The following PEX1 variants were observed in gnomAD, a reference collection of about 807,000 sequenced individuals.
PEX1 encodes peroxisomal ATPase PEX1.
A neutral mutation model predicts 152.5 loss-of-function variants in PEX1; 97 were observed. The ratio of observed to expected loss-of-function variants is 0.64; its 90% CI spans 0.54 to 0.75. The LOEUF is 0.75. PEX1 is among the 30% of genes least tolerant of loss of function. PEX1 has a pLI of 0.00. For synonymous variants in PEX1, 485 were observed against 531.6 expected, an observed-to-expected ratio of 0.91 and a Z score of 1.21; for missense variants, 1,357 against 1,516.3, an observed-to-expected ratio of 0.89 and a Z score of 1.74.
At chr7:92,499,933 A>G in intron 15 of PEX1, 95 bp from the exon 16 acceptor site, 4 of 956,044 alleles carry the variant, frequency 4.2e-6, no homozygotes, top group African/African-American at 1.7e-5. Context: ...AAAAAAATTC[A>G]GATGGTAATC....
rs1044437246 is a variant in PEX1 at position 92,511,711 on chromosome 7, A to G, written c.1360-8T>C. 6.2e-7 allele frequency: 1 copy of G among 1,608,346 alleles called. No homozygotes were observed. Among genetic ancestry groups the G allele is most frequent in the Non-Finnish European group, 8.5e-7 (1 of 1,176,932 alleles). ...TTCACTTATGTCTTTAGGCTGCCAG[A>G]AAAAGGAATAGTAATGAATTATCCT... On this transcript the variant is annotated splice_region_variant and splice_polypyrimidine_tract_variant and intron_variant, in intron 6 of 23. Coordinates refer to ENST00000248633, the MANE Select transcript of PEX1 (RefSeq NM_000466.3).
At chr7:92,516,072 A>C (rs1422820256) in intron 5 of PEX1, among the ~76,000 whole-genome samples, 1 of 146,278 alleles carries the variant, frequency 6.8e-6, no homozygotes, top group African/African-American at 2.5e-5. Context: ...AAAGAAAAGA[A>C]AAGAAAAGAA....
intron 11 of PEX1, 25 bp downstream of exon 11, chr7:92,506,221 TTA>T (rs1273856339): frequency 8.4e-7 from 1 of 1,193,186 alleles, no homozygotes; most frequent in Non-Finnish European, 1.3e-6. Context: ...AAAAAGGGAT[TTA>T]TATAGAGTGT....
At position 92,501,622 on chromosome 7, in the gene PEX1, G is replaced by A. The variant is rs2116145764; in HGVS notation, c.2468C>T (p.Pro823Leu). Residue 823 changes from proline (P) to leucine (L), a missense_variant, in exon 15 of 24, where the codon CCT becomes CTT. Pro to Leu is a moderately conservative substitution (Grantham distance 98). Coordinates refer to ENST00000248633, the MANE Select transcript of PEX1 (RefSeq NM_000466.3). ...DFQKALRGFL[P>L]ASLRSVNLHK... The stretch of plus-strand genomic sequence containing the variant: ...CAGGTTGACACTTCGCAAAGACGCA[G>A]GAAGAAATCCGCGGAGAGCCTTTTG... 6.2e-7 allele frequency: 1 copy of A among 1,613,908 alleles called. No individual in the cohort carries two copies. The highest frequency in any genetic ancestry group is 8.5e-7 in the Non-Finnish European group (1 of 1,179,852).
chr7:92,522,047 C>A, intron 2 of PEX1, 55 bp downstream of exon 2: 1 of 1,553,792 alleles, frequency 6.4e-7, no homozygotes. Flanking sequence ...AATTTTATTT[C>A]TATTGCTATA....
intron 19 of PEX1, chr7:92,494,023 T>C (rs1489598391): frequency 2.6e-6 from 1 of 391,250 alleles, no homozygotes; most frequent in African/African-American, 2.0e-5. Flanking sequence ...GAAGATAATG[T>C]GAAAATATAA....
chr7:92,503,304 G>A (rs1448178769), intron 12 of PEX1, 109 bp from the exon 13 acceptor site: 2 of 869,592 alleles, frequency 2.3e-6, no homozygotes, highest in Non-Finnish European at 3.7e-6. Flanking sequence ...TTAAGGTGCA[G>A]TATGTATGGT....
intron 17 of PEX1, among the ~76,000 whole-genome samples, chr7:92,495,059 C>A (rs1791583934): frequency 6.6e-6 from 1 of 151,940 alleles, no homozygotes. Context: ...GCCACCCTTC[C>A]TTCTTTTGTG....
intron 20 of PEX1, 47 bp downstream of exon 20, chr7:92,492,906 C>T (rs1562845955): frequency 7.0e-7 from 1 of 1,426,796 alleles, no homozygotes; most frequent in Non-Finnish European, 9.9e-7. Context: ...CATTGTACTT[C>T]TTTTATCACT....
At chr7:92,487,643 G>A (rs772823690) in intron 23 of PEX1, 102 bp from the exon 24 acceptor site, 15 of 515,992 alleles carry the variant, frequency 2.9e-5, no homozygotes, top group Admixed American at 2.7e-4. Context: ...AGAAATGAAC[G>A]GGAAATAACA....
At chr7:92,496,834 GT>G (rs1791676419) in intron 16 of PEX1, 57 bp from the exon 17 acceptor site, 1 of 1,119,660 alleles carries the variant, frequency 8.9e-7, no homozygotes, top group Admixed American at 1.7e-5. Context: ...TATAAATTTG[GT>G]TTCTGACTAA....
Position 92,489,421 on chromosome 7 carries a change from C to A in PEX1, c.3639G>T (p.Glu1213Asp), listed in dbSNP as rs756953510. 6.2e-7 allele frequency: 1 copy of A among 1,612,492 alleles called. No homozygotes were observed. The highest frequency in any genetic ancestry group is 2.2e-5 in the East Asian group (1 of 44,820). Residue 1213 changes from glutamate (E) to aspartate (D), a missense_variant and splice_region_variant, in exon 23 of 24, where the codon GAG becomes GAT. Glu to Asp is a conservative substitution (Grantham distance 45). Coordinates refer to ENST00000248633, the MANE Select transcript of PEX1 (RefSeq NM_000466.3). ...GTCCTGGTTGGTTCATGGATTCGTC[C>A]TCCTTAAGTAAAAAAAGAAATTGAC... ...IKGRYRSQSG[E>D]DESMNQPGPI...
intron 1 of PEX1, among the ~76,000 whole-genome samples, chr7:92,525,526 G>A (rs571035043): frequency 5.8e-4 from 88 of 152,322 alleles, no homozygotes; most frequent in African/African-American, 2.0e-3. Context: ...CTCAACCAGA[G>A]GTGATTTTGT....
intron 1 of PEX1, among the ~76,000 whole-genome samples, chr7:92,524,037 A>G (rs1793160483): frequency 1.3e-5 from 2 of 152,174 alleles, no homozygotes; most frequent in Non-Finnish European, 2.9e-5. Flanking sequence ...ACATCTCTAC[A>G]GAACAGTTTT....
At chr7:92,489,215 C>T (rs571336413) in intron 23 of PEX1, 78 bp downstream of exon 23, 18 of 1,256,956 alleles carry the variant, frequency 1.4e-5, no homozygotes, top group African/African-American at 1.0e-4. Context: ...ATTTTAAACA[C>T]GAACTTTAAA....
At chr7:92,505,291 T>C (rs189379103) in intron 11 of PEX1, among the ~76,000 whole-genome samples, 20 of 151,722 alleles carry the variant, frequency 1.3e-4, no homozygotes, top group South Asian at 2.1e-4. Flanking sequence ...CATGCACCTG[T>C]AGTCCCAATT....
rs770393371 is a variant in PEX1, at chr7:92,499,709, C to T, written c.2713G>A (p.Val905Ile). 1 of 1,611,688 alleles carries T rather than the reference C, an allele frequency of 6.2e-7. No individual in the cohort carries two copies. The highest frequency in any genetic ancestry group is 8.5e-7 in the Non-Finnish European group (1 of 1,177,900). Reference sequence around the variant, plus strand: ...AAGATAAGTAGACAACATACCTTGACACTTATAAAATTCATTCTACTCTCT... The same window carrying T: ...AAGATAAGTAGACAACATACCTTGATACTTATAAAATTCATTCTACTCTCT... ...ARESRMNFISVKGPELLSKYI... is the reference protein window; with the variant it reads ...ARESRMNFISIKGPELLSKYI... Residue 905 changes from valine to isoleucine, a missense_variant, in exon 16 of 24, where the codon GTC (valine) becomes ATC (isoleucine). By Grantham distance (29) the Val-to-Ile change is conservative (BLOSUM62 3). Coordinates refer to ENST00000248633, the MANE Select transcript of PEX1 (RefSeq NM_000466.3).
At chr7:92,507,210 C>T in intron 9 of PEX1, 84 bp from the exon 10 acceptor site, 1 of 1,137,118 alleles carries the variant, frequency 8.8e-7, no homozygotes, top group Non-Finnish European at 1.3e-6. Context: ...TTTTGCCTTC[C>T]CAGTGTAGTT....
At chr7:92,519,664 C>T (rs1792967616) in intron 2 of PEX1, among the ~76,000 whole-genome samples, 2 of 152,042 alleles carry the variant, frequency 1.3e-5, no homozygotes, top group African/African-American at 2.4e-5. Flanking sequence ...AGACATGCTG[C>T]TTCAAGAAAA....
Sources: gnomAD v4.1 joint callset for allele counts (sites outside exome capture counted in the v4.1 genomes callset) on GRCh38, gnomAD v4.1.1 for gene constraint, MANE v1.5 for transcripts, NCBI Gene and HGNC (gene_info 2026-07-23, HGNC 2026-07-21) for gene names.